The following CTNND2 variants were observed in gnomAD, a reference collection of about 807,000 sequenced individuals.
CTNND2 encodes catenin delta 2, also known as catenin delta-2.
Under a neutral mutation model 144.4 loss-of-function variants are expected in CTNND2, and 22 were observed. That is an observed-to-expected ratio of 0.15 (90% CI 0.11 to 0.22). The LOEUF (loss-of-function observed/expected upper bound fraction) is 0.22, where lower values mean the gene tolerates loss of function less well. Among genes scored for constraint, CTNND2 ranks in the 10% least tolerant of loss-of-function variants. The probability of loss-of-function intolerance (pLI) is 1.00; values close to 1 mark genes in which losing one functional copy is unlikely to be tolerated. For missense variants in CTNND2, 1,353 were observed against 1,618.8 expected (o/e 0.84, Z 2.82); for synonymous variants, 751 against 695.6 (o/e 1.08, Z -1.25).
intron 16 of CTNND2, among the ~76,000 whole-genome samples, chr5:11,058,376 G>A (rs1746557732): frequency 6.6e-6 from 1 of 152,226 alleles, no homozygotes; most frequent in African/African-American, 2.4e-5. Flanking sequence ...GGCTTAAAGG[G>A]GCCAATGGAG....
intron 16 of CTNND2, among the ~76,000 whole-genome samples, chr5:11,060,601 G>A (rs1427259267): frequency 7.5e-6 from 1 of 133,422 alleles, no homozygotes; most frequent in Non-Finnish European, 1.6e-5. Context: ...TTTTTTCCTG[G>A]GGTGGATAAA....
intron 2 of CTNND2, among the ~76,000 whole-genome samples, chr5:11,579,704 T>C (rs1778265657): frequency 6.6e-6 from 1 of 152,196 alleles, no homozygotes; most frequent in Non-Finnish European, 1.5e-5. Flanking sequence ...TGAATTCATG[T>C]ACAAAGTATA....
intron 1 of CTNND2, among the ~76,000 whole-genome samples, chr5:11,853,723 A>C (rs920979851): frequency 1.3e-5 from 2 of 152,182 alleles, no homozygotes; most frequent in Non-Finnish European, 2.9e-5. Flanking sequence ...CTGAGGCCAA[A>C]AATCTTGGCA....
At chr5:11,609,531 A>G (rs1780216411) in intron 2 of CTNND2, among the ~76,000 whole-genome samples, 1 of 152,162 alleles carries the variant, frequency 6.6e-6, no homozygotes, top group South Asian at 2.1e-4. Flanking sequence ...TCATGGAGAG[A>G]ATGATATTTC....
At chr5:11,089,609 C>T (rs1170610528) in intron 15 of CTNND2, among the ~76,000 whole-genome samples, 1 of 152,174 alleles carries the variant, frequency 6.6e-6, no homozygotes, top group African/African-American at 2.4e-5. Flanking sequence ...GATTTAACAA[C>T]AGCATTCTGC....
At chr5:11,147,166 G>A (rs1210623979) in intron 12 of CTNND2, among the ~76,000 whole-genome samples, 7 of 152,200 alleles carry the variant, frequency 4.6e-5, no homozygotes, top group Non-Finnish European at 1.0e-4. Flanking sequence ...CGTCATGTAC[G>A]TGAGAATGTC....
At chr5:11,434,973 A>G (rs948950511) in intron 3 of CTNND2, among the ~76,000 whole-genome samples, 9 of 152,270 alleles carry the variant, frequency 5.9e-5, no homozygotes, top group African/African-American at 2.2e-4. Context: ...AATTGAAAAA[A>G]TGCACGAGGT....
At chr5:11,388,722 T>C (rs1228777645) in intron 6 of CTNND2, among the ~76,000 whole-genome samples, 1 of 152,238 alleles carries the variant, frequency 6.6e-6, no homozygotes, top group African/African-American at 2.4e-5. Flanking sequence ...TAAGGTTACC[T>C]GAGGCTGTCA....
chr5:11,131,526 G>A (rs780360716), intron 12 of CTNND2, among the ~76,000 whole-genome samples: 1 of 152,206 alleles, frequency 6.6e-6, no homozygotes, highest in Non-Finnish European at 1.5e-5. Flanking sequence ...AGTGGCTCAC[G>A]CCTGCAATCC....
intron 12 of CTNND2, among the ~76,000 whole-genome samples, chr5:11,118,802 A>T (rs944056440): frequency 1.3e-5 from 2 of 152,196 alleles, no homozygotes; most frequent in African/African-American, 4.8e-5. Flanking sequence ...TTGCTGTTGT[A>T]ATAAATTCTG....
intron 9 of CTNND2, among the ~76,000 whole-genome samples, chr5:11,266,251 AT>A (rs1452928545): frequency 6.6e-6 from 1 of 152,218 alleles, no homozygotes; most frequent in Non-Finnish European, 1.5e-5. Context: ...AAAATAATTT[AT>A]TTCCCAGAAT....
At chr5:11,329,314 G>A (rs1017874369) in intron 9 of CTNND2, among the ~76,000 whole-genome samples, 7 of 151,968 alleles carry the variant, frequency 4.6e-5, no homozygotes, top group South Asian at 2.1e-4. Flanking sequence ...GCCACCACAC[G>A]CGGCTAATAT....
At chr5:11,847,164 A>G (rs1794785334) in intron 1 of CTNND2, among the ~76,000 whole-genome samples, 1 of 129,220 alleles carries the variant, frequency 7.7e-6, no homozygotes, top group Admixed American at 7.6e-5. Context: ...ATATATATAT[A>G]TATATATATA....
intron 11 of CTNND2, among the ~76,000 whole-genome samples, chr5:11,198,260 G>A (rs1268614560): frequency 3.3e-5 from 5 of 152,118 alleles, no homozygotes; most frequent in Admixed American, 6.6e-5. Context: ...CATTGCTTTA[G>A]TAGCACGGCA....
intron 18 of CTNND2, among the ~76,000 whole-genome samples, chr5:11,015,939 A>G (rs1741557972): frequency 6.6e-6 from 1 of 152,210 alleles, no homozygotes; most frequent in South Asian, 2.1e-4. Context: ...ACAAAATAGA[A>G]TGGAAGCCAA....
rs7704306 is a variant in CTNND2, at chr5:11,863,087, C to A, written c.37+40730G>T. On this transcript the variant is annotated intron_variant, in intron 1 of 21. Coordinates refer to ENST00000304623, the MANE Select transcript of CTNND2 (RefSeq NM_001332.4). Reference sequence around the variant, plus strand: ...ATCTATTTTCTCGTATTTCATTTAACCTTTGAACTTACACGAAAATGTCCA... The same window carrying A: ...ATCTATTTTCTCGTATTTCATTTAAACTTTGAACTTACACGAAAATGTCCA... Among the ~76,000 whole-genome samples, 1,124 of 152,210 alleles carry A rather than the reference C, an allele frequency of 7.4e-3. 21 individuals carry two copies. Among genetic ancestry groups the A allele is most frequent in the African/African-American group, 0.025 (1,049 of 41,522 alleles).
At chr5:11,562,584 G>A (rs1483128944) in intron 3 of CTNND2, among the ~76,000 whole-genome samples, 1 of 152,194 alleles carries the variant, frequency 6.6e-6, no homozygotes, top group Non-Finnish European at 1.5e-5. Flanking sequence ...ATATGGCAAA[G>A]GGAAATATTT....
intron 3 of CTNND2, among the ~76,000 whole-genome samples, chr5:11,460,734 T>G (rs533547219): frequency 6.6e-6 from 1 of 152,294 alleles, no homozygotes; most frequent in African/African-American, 2.4e-5. Context: ...AATATCACTT[T>G]ACCTTAGCTG....
At chr5:11,661,342 A>T (rs1783192396) in intron 2 of CTNND2, among the ~76,000 whole-genome samples, 1 of 152,206 alleles carries the variant, frequency 6.6e-6, no homozygotes, top group Non-Finnish European at 1.5e-5. Context: ...ATGGTGCCTC[A>T]TTTAACAAAT....
Sources: allele counts gnomAD v4.1 joint callset (sites outside exome capture counted in the v4.1 genomes callset), GRCh38; gene constraint gnomAD v4.1.1; transcripts MANE v1.5; gene names NCBI Gene and HGNC (gene_info 2026-07-23, HGNC 2026-07-21).